Variants in SAP130 observed in about 807,000 individuals in gnomAD.
The protein encoded by SAP130 is histone deacetylase complex subunit SAP130.
Under a neutral mutation model 103.2 loss-of-function variants are expected in SAP130, and 16 were observed. The ratio of observed to expected loss-of-function variants is 0.16; its 90% CI spans 0.10 to 0.24. SAP130 has a LOEUF of 0.24. SAP130 is among the 10% of genes least tolerant of loss of function. The pLI is 1.00. For synonymous variants in SAP130, 477 were observed against 497.0 expected (o/e 0.96, Z 0.53); for missense variants, 990 against 1,359.7 (o/e 0.73, Z 4.28).
At position 127,996,602 on chromosome 2, in the gene SAP130, G is replaced by A; in HGVS notation, c.1214-111C>T. ...AAAGCAAACAATTAAAATAAGCCTG[G>A]ATTTTTAATCAAAATAAAAAATGAA... On this transcript the variant is annotated intron_variant, in intron 10 of 20. Coordinates refer to ENST00000643581, the MANE Select transcript of SAP130 (RefSeq NM_001330301.2). This position sits in a 1 kb window ranked among gnomAD's most constrained non-coding sequence, Gnocchi z 4.3. 4 of 984,324 alleles carry A rather than the reference G, an allele frequency of 4.1e-6. No individual in the cohort carries two copies. Among genetic ancestry groups the A allele is most frequent in the East Asian group, 3.0e-5 (1 of 33,264 alleles). The allele number at this position is 984,324 out of a possible 1,614,324, so 61.0% of individuals were successfully genotyped here.
chr2:127,949,104 C>T (rs1347839908), intron 18 of SAP130, among the ~76,000 whole-genome samples: 1 of 152,158 alleles, frequency 6.6e-6, no homozygotes, highest in African/African-American at 2.4e-5. Context: ...TTAGCATGTC[C>T]ACCTCTGCTT....
intron 14 of SAP130, among the ~76,000 whole-genome samples, chr2:127,980,609 T>C (rs1182413741): frequency 6.6e-6 from 1 of 152,148 alleles, no homozygotes; most frequent in Non-Finnish European, 1.5e-5. Context: ...CAAATAACCA[T>C]GGATAAAACA....
chr2:127,947,691 C>T (rs1679176696), intron 18 of SAP130, among the ~76,000 whole-genome samples: 1 of 151,822 alleles, frequency 6.6e-6, no homozygotes, highest in South Asian at 2.1e-4. Flanking sequence ...CTCTATGTGA[C>T]ATTAATATAG....
At chr2:128,027,189 G>T in intron 1 of SAP130, 1 of 1,232,718 alleles carries the variant, frequency 8.1e-7, no homozygotes, top group South Asian at 3.9e-5. Context: ...GTGCTCGGCG[G>T]GCGCGGGGAG....
intron 6 of SAP130, among the ~76,000 whole-genome samples, chr2:128,012,128 C>T (rs1008344441): frequency 2.6e-5 from 4 of 152,116 alleles, no homozygotes; most frequent in African/African-American, 9.7e-5. Context: ...TCTCATCTTT[C>T]AACAGTATTA....
At chr2:127,976,904 C>T (rs768818076) in intron 15 of SAP130, among the ~76,000 whole-genome samples, 25 of 151,962 alleles carry the variant, frequency 1.6e-4, no homozygotes, top group Non-Finnish European at 3.7e-4. Context: ...TGTCTCAAAA[C>T]AAACGAACAA....
chr2:127,948,010 G>A (rs899357341), intron 18 of SAP130, among the ~76,000 whole-genome samples: 5 of 152,000 alleles, frequency 3.3e-5, no homozygotes, highest in Admixed American at 6.6e-5. Flanking sequence ...AGCTGGTCTT[G>A]AACTCCTGAC....
At chr2:127,994,619 C>T (rs1683046373) in intron 11 of SAP130, among the ~76,000 whole-genome samples, 1 of 151,736 alleles carries the variant, frequency 6.6e-6, no homozygotes, top group Admixed American at 6.6e-5. Flanking sequence ...CTTCGCCAGG[C>T]ATGATTGCAT....
intron 2 of SAP130, 51 bp downstream of exon 2, chr2:128,026,130 G>A (rs779329359): frequency 3.3e-6 from 4 of 1,203,874 alleles, no homozygotes; most frequent in Non-Finnish European, 4.8e-6. Flanking sequence ...TTAGAAAACT[G>A]GTAATATTCT....
At chr2:128,012,327 G>A (rs371045194) in intron 6 of SAP130, among the ~76,000 whole-genome samples, 11 of 152,106 alleles carry the variant, frequency 7.2e-5, no homozygotes, top group Middle Eastern at 3.4e-3. Context: ...AAAATTAGCC[G>A]GGCATGGTGG....
intron 2 of SAP130, among the ~76,000 whole-genome samples, chr2:128,025,711 AT>A (rs1413176200): frequency 6.6e-6 from 1 of 152,226 alleles, no homozygotes; most frequent in African/African-American, 2.4e-5. Context: ...ACACTATACC[AT>A]TTTACATCAG....
intron 19 of SAP130, among the ~76,000 whole-genome samples, chr2:127,943,770 A>C (rs1171266804): frequency 6.6e-6 from 1 of 152,248 alleles, no homozygotes; most frequent in Non-Finnish European, 1.5e-5. Context: ...GTGAAGGTCT[A>C]AGACATCACT....
chr2:127,981,853 C>A (rs1681959149), intron 14 of SAP130, among the ~76,000 whole-genome samples: 1 of 151,924 alleles, frequency 6.6e-6, no homozygotes, highest in Admixed American at 6.6e-5. Flanking sequence ...CGACTCAGCT[C>A]CCCGACCCCG....
Position 127,986,513 on chromosome 2 carries a change from G to A in SAP130, c.1958+272C>T, listed in dbSNP as rs1356909855. On this transcript the variant is annotated intron_variant, in intron 14 of 20. Coordinates refer to ENST00000643581, the MANE Select transcript of SAP130 (RefSeq NM_001330301.2). The surrounding 1 kb of genome is among the most constrained non-coding windows in gnomAD (Gnocchi z 4.7). ...AAACTACTTTAAAAGTTCTATGATT[G>A]AAGTTCCAGAACTAGAGAGAATTAA... Among the ~76,000 whole-genome samples the A allele has an allele frequency of 6.6e-6, 1 of 152,222 alleles. No individual in the cohort carries two copies. The highest frequency in any genetic ancestry group is 1.5e-5 in the Non-Finnish European group (1 of 68,026).
intron 7 of SAP130, among the ~76,000 whole-genome samples, chr2:128,006,250 AAT>A (rs1683969169): frequency 6.6e-6 from 1 of 152,238 alleles, no homozygotes; most frequent in African/African-American, 2.4e-5. Flanking sequence ...AAACTTTCAA[AAT>A]ATTGGTGCTT....
At position 127,987,520 on chromosome 2, in the gene SAP130, G is replaced by A. The variant is rs562241382; in HGVS notation, c.1781-558C>T. 1.3e-4 allele frequency among the ~76,000 whole-genome samples: 19 copies of A among 151,974 alleles called. No homozygotes were observed. The South Asian group carries it at 3.7e-3, about 30-fold the overall frequency. ...ATTTTTTCTTTGCTCTATAATCACA[G>A]TTACTAATAAATGAGATAAGGTGAA... On this transcript the variant is annotated intron_variant, in intron 13 of 20. Coordinates refer to ENST00000643581, the MANE Select transcript of SAP130 (RefSeq NM_001330301.2).
At chr2:128,023,800 C>T (rs1685311216) in intron 2 of SAP130, among the ~76,000 whole-genome samples, 1 of 151,920 alleles carries the variant, frequency 6.6e-6, no homozygotes, top group Non-Finnish European at 1.5e-5. Context: ...ACTATCATTT[C>T]CCTATTGAAT....
At chr2:128,026,138 T>C (rs751221258) in intron 2 of SAP130, 43 bp downstream of exon 2, 24 of 1,341,524 alleles carry the variant, frequency 1.8e-5, no homozygotes, top group Admixed American at 1.6e-4. Flanking sequence ...CTGGTAATAT[T>C]CTTAAAGTAG....
intron 15 of SAP130, among the ~76,000 whole-genome samples, chr2:127,974,853 C>T (rs182541610): frequency 3.8e-4 from 58 of 152,212 alleles, no homozygotes; most frequent in African/African-American, 1.4e-3. Context: ...TTTAGATACA[C>T]AAATATGTAC....
Sources: allele counts gnomAD v4.1 joint callset (sites outside exome capture counted in the v4.1 genomes callset), GRCh38; gene constraint gnomAD v4.1.1; non-coding constraint Gnocchi (gnomAD v3.1); transcripts MANE v1.5; gene names NCBI Gene and HGNC (gene_info 2026-07-23, HGNC 2026-07-21).